The following DOC2A variants were observed in gnomAD, a reference collection of about 807,000 sequenced individuals.
The protein encoded by DOC2A is double C2 domain alpha.
Under a neutral mutation model 40.6 loss-of-function variants are expected in DOC2A, and 28 were observed. The observed-to-expected ratio is 0.69, with a 90% CI of 0.51 to 0.95. DOC2A has a LOEUF of 0.95. Among genes scored for constraint, DOC2A ranks in the 40% least tolerant of loss-of-function variants. DOC2A has a pLI of 0.00. For missense variants in DOC2A, 474 were observed against 552.5 expected (o/e 0.86, Z 1.42); for synonymous variants, 241 against 236.9 (o/e 1.02, Z -0.16).
At chr16:30,007,140 C>T in intron 6 of DOC2A, 33 bp downstream of exon 6, 1 of 1,613,572 alleles carries the variant, frequency 6.2e-7, no homozygotes, top group Non-Finnish European at 8.5e-7. Context: ...CCAGGGCCCC[C>T]TCCCCTGGCG....
rs2070760301 is a variant in DOC2A, at chr16:30,010,906, T to C, written c.-17A>G. The stretch of plus-strand genomic sequence containing the variant: ...CTGCCCAGCCCCCTGCACCTGCCTC[T>C]GCCTCCAACAGGTGCCCAGGCACTG... On this transcript the variant is annotated 5_prime_UTR_variant, in exon 1 of 11. Coordinates refer to ENST00000350119, the MANE Select transcript of DOC2A (RefSeq NM_003586.3). The surrounding 1 kb of genome is among the most constrained non-coding windows in gnomAD (Gnocchi z 4.2). 14 of 1,019,920 alleles carry C rather than the reference T, an allele frequency of 1.4e-5. No individual in the cohort carries two copies. The highest frequency in any genetic ancestry group is 1.6e-5 in the Non-Finnish European group (14 of 850,024). The allele number at this position is 1,019,920 out of a possible 1,614,324, so 63.2% of individuals were successfully genotyped here. A position where few individuals can be genotyped will look rare whatever the true frequency, so the allele number is the denominator to read the frequency against.
chr16:30,022,468 C>T (rs909919916), upstream of DOC2A, among the ~76,000 whole-genome samples: 1 of 151,982 alleles, frequency 6.6e-6, no homozygotes, highest in African/African-American at 2.4e-5. Flanking sequence ...GCCAGAAGTT[C>T]GAAACCAGCC....
chr16:30,023,203 T>TCTCC (rs2070939841), upstream of DOC2A: 4 of 710,288 alleles, frequency 5.6e-6, no homozygotes, highest in Admixed American at 2.5e-5. Context: ...CCAACCTCTC[T>TCTCC]TCTCCTCTCC....
chr16:30,006,709 G>C lies in DOC2A; in HGVS notation c.879-32C>G, dbSNP rs1209959747. The stretch of plus-strand genomic sequence containing the variant: ...GTGGGGTGGAGGGAGACGAACTGAG[G>C]GGTGAGGGACAGGCCAGGCCCAACT... On this transcript the variant is annotated intron_variant, in intron 8 of 10. Coordinates refer to ENST00000350119, the MANE Select transcript of DOC2A (RefSeq NM_003586.3). The surrounding 1 kb of genome is among the most constrained non-coding windows in gnomAD (Gnocchi z 6.2). 3 of 1,613,680 alleles carry C rather than the reference G, an allele frequency of 1.9e-6. No homozygotes were observed. The Admixed American group carries it at 5.0e-5, about 27-fold the overall frequency.
upstream of DOC2A, chr16:30,011,452 G>GCC: frequency 1.0e-6 from 1 of 966,690 alleles, no homozygotes; most frequent in Non-Finnish European, 1.2e-6. Context: ...CCCCGCCCCC[G>GCC]CCCGCGCGCG....
Position 30,010,607 on chromosome 16 carries a change from G to A in DOC2A, c.-14+296C>T, listed in dbSNP as rs1048004122. ...CTGCAGGGCCCCGCCTCTGTTTCTC[G>A]GAGGCTCTGTCCTCCTCTGCACCAG... On this transcript the variant is annotated intron_variant, in intron 1 of 10. Transcript: ENST00000350119. This position sits in a 1 kb window ranked among gnomAD's most constrained non-coding sequence, Gnocchi z 4.2. 2 of 332,124 alleles carry A rather than the reference G, an allele frequency of 6.0e-6. No individual in the cohort carries two copies. Among genetic ancestry groups the A allele is most frequent in the South Asian group, 2.7e-5 (1 of 36,896 alleles). 20.6% of individuals were successfully genotyped at this position (332,124 alleles called of 1,614,324 possible).
chr16:30,009,433 C>T lies in DOC2A; in HGVS notation c.342+45G>A. 6.5e-7 allele frequency: 1 copy of T among 1,541,096 alleles called. No homozygotes were observed. The highest frequency in any genetic ancestry group is 8.8e-7 in the Non-Finnish European group (1 of 1,138,262). On this transcript the variant is annotated intron_variant, in intron 3 of 10. Transcript: ENST00000350119. The surrounding 1 kb of genome is among the most constrained non-coding windows in gnomAD (Gnocchi z 4.1). The stretch of plus-strand genomic sequence containing the variant: ...AGGAGGAATGGGCCCCCTCTGGGGG[C>T]TGCACGCAAACCGGGCCCGGGCTTG...
Position 30,017,358 on chromosome 16 carries a change from A to G in DOC2A, c.-375-3762T>C, listed in dbSNP as rs568222104. Among the ~76,000 whole-genome samples the G allele has an allele frequency of 2.0e-5, 3 of 152,224 alleles. No homozygotes were observed. The South Asian group carries it at 6.2e-4, about 32-fold the overall frequency. On this transcript the variant is annotated intron_variant, in intron 1 of 5. Transcript: ENST00000574405. ...CCTGCACTTGTGTGTTTATTGCAGC[A>G]CTGTTCACAATAGGAAAGACACAGA...
In DOC2A at chr16:30,006,214, G is replaced by A. The variant is rs1023098414; in HGVS notation, c.1175C>T (p.Pro392Leu). 12 of 1,587,870 alleles carry A rather than the reference G, an allele frequency of 7.6e-6. No individual in the cohort carries two copies. The highest frequency in any genetic ancestry group is 9.4e-6 in the Non-Finnish European group (11 of 1,168,654). ...RWHTLTSELP[P>L]AAGALSSA The stretch of plus-strand genomic sequence containing the variant: ...GGCTGAGGACAGAGCCCCGGCCGCA[G>A]GGGGCAGCTCACTGGTCAGGGTGTG... Residue 392 changes from proline to leucine, a missense_variant, in exon 11 of 11, where the codon CCT (proline) becomes CTT (leucine). Transcript: ENST00000350119. The surrounding 1 kb of genome is among the most constrained non-coding windows in gnomAD (Gnocchi z 6.2).
chr16:30,016,053 A>ATT (rs1271681523), upstream of DOC2A, among the ~76,000 whole-genome samples: 18 of 18,176 alleles, frequency 9.9e-4, no homozygotes, highest in South Asian at 5.1e-3. Flanking sequence ...ATATATATAT[A>ATT]TATTTTTTTT....
At chr16:30,007,125 C>T (rs367662928) in intron 6 of DOC2A, 35 bp from the exon 7 acceptor site, 9 of 1,613,542 alleles carry the variant, frequency 5.6e-6, no homozygotes, top group Non-Finnish European at 6.8e-6. Flanking sequence ...GGAAGCCTGG[C>T]CTCCCCAGGG....
chr16:30,010,061 G>A lies in DOC2A; in HGVS notation c.162C>T (p.Ala54=), dbSNP rs111611374. ...GGGCCAGAGCCAGGGGGACCAGATG[G>A]GCGGGGGCCTCCCCGCCGCCCCCGC... ...GGGGGGGEAP[A]HLVPLALAPP... is the part of the protein sequence containing the mutation. The change falls in exon 2 of 11, where the codon GCC becomes GCT. Residue 54 remains alanine (A), a synonymous_variant. Transcript: ENST00000350119. This position sits in a 1 kb window ranked among gnomAD's most constrained non-coding sequence, Gnocchi z 4.2. The A allele has an allele frequency of 2.1e-5, 34 of 1,611,280 alleles. No individual in the cohort carries two copies. The highest frequency in any genetic ancestry group is 4.0e-5 in the African/African-American group (3 of 74,866).
Position 30,010,064 on chromosome 16 carries a change from G to A in DOC2A, c.159C>T (p.Pro53=), listed in dbSNP as rs533248931. The part of the protein sequence containing the change: ...EGGGGGGGEA[P]AHLVPLALAP... ...CCAGAGCCAGGGGGACCAGATGGGC[G>A]GGGGCCTCCCCGCCGCCCCCGCCGC... Residue 53 remains proline (P), a synonymous_variant, in exon 2 of 11, where the codon CCC becomes CCT. Coordinates refer to ENST00000350119, the MANE Select transcript of DOC2A (RefSeq NM_003586.3). The surrounding 1 kb of genome is among the most constrained non-coding windows in gnomAD (Gnocchi z 4.2). 3.3e-5 allele frequency: 53 copies of A among 1,611,126 alleles called. No individual in the cohort carries two copies. Among genetic ancestry groups the A allele is most frequent in the South Asian group, 6.6e-5 (6 of 91,018 alleles).
chr16:30,006,023 T>A lies in DOC2A; in HGVS notation c.*163A>T. The stretch of plus-strand genomic sequence containing the variant: ...AGGTTTGCATATGTGAATATAGAAC[T>A]CCGCAGCCCCTCATGAGCAGACAGA... On this transcript the variant is annotated 3_prime_UTR_variant, in exon 11 of 11. Coordinates refer to ENST00000350119, the MANE Select transcript of DOC2A (RefSeq NM_003586.3). This position sits in a 1 kb window ranked among gnomAD's most constrained non-coding sequence, Gnocchi z 6.2. The A allele has an allele frequency of 1.3e-6, 1 of 774,134 alleles. No individual in the cohort carries two copies. The highest frequency in any genetic ancestry group is 1.9e-5 in the South Asian group (1 of 53,838). The allele number at this position is 774,134 out of a possible 1,614,324, so 48.0% of individuals were successfully genotyped here. A position where few individuals can be genotyped will look rare whatever the true frequency, so the allele number is the denominator to read the frequency against.
chr16:30,007,571 C>G, intron 5 of DOC2A: 1 of 513,544 alleles, frequency 1.9e-6, no homozygotes, highest in Non-Finnish European at 3.6e-6. Context: ...CATTCAGGGC[C>G]TGGGGGCAGG....
intron 5 of DOC2A, chr16:30,008,590 G>GC (rs2070686948): frequency 3.9e-6 from 1 of 253,248 alleles, no homozygotes; most frequent in African/African-American, 2.2e-5. Flanking sequence ...TGCAACCTCT[G>GC]CCTCCCGGGT....
chr16:30,014,667 T>C (rs2070837300), upstream of DOC2A, among the ~76,000 whole-genome samples: 12 of 132,898 alleles, frequency 9.0e-5, no homozygotes. Context: ...AGGCTGGGCA[T>C]GGTGGCTTAC....
chr16:30,006,597 T>C lies in DOC2A; in HGVS notation c.959A>G (p.Glu320Gly). ...CATGTCCCGTCCCCTCCTGGGTACCTCGTTAAATTCTGGGTTGAGAGTCTT... is the reference window on the plus strand; with the variant it reads ...CATGTCCCGTCCCCTCCTGGGTACCCCGTTAAATTCTGGGTTGAGAGTCTT... ...KKKTLNPEFN[E>G]EFFYEIELST... Residue 320 changes from glutamate (E) to glycine (G), a missense_variant and splice_region_variant, in exon 9 of 11, where the codon GAG becomes GGG. Glu to Gly is a moderately conservative substitution (Grantham distance 98). Transcript: ENST00000350119. This position sits in a 1 kb window ranked among gnomAD's most constrained non-coding sequence, Gnocchi z 6.2. 6.2e-7 allele frequency: 1 copy of C among 1,613,466 alleles called. No homozygotes were observed. The highest frequency in any genetic ancestry group is 8.5e-7 in the Non-Finnish European group (1 of 1,179,868).
rs777928473 is a variant in DOC2A, at chr16:30,005,759, A to C, written c.*427T>G. ...AGCTGTACAGGGCTAGGTTTTTTCA[A>C]TGAAGTTTCTGTATTAAAGGAGTGG... On this transcript the variant is annotated 3_prime_UTR_variant, in exon 11 of 11. Transcript: ENST00000350119. 1 of 469,008 alleles carries C rather than the reference A, an allele frequency of 2.1e-6. No individual in the cohort carries two copies. The highest frequency in any genetic ancestry group is 3.8e-6 in the Non-Finnish European group (1 of 264,106). 29.1% of individuals were successfully genotyped at this position (469,008 alleles called of 1,614,324 possible).
Sources: gnomAD v4.1 joint callset for allele counts (sites outside exome capture counted in the v4.1 genomes callset) on GRCh38, gnomAD v4.1.1 for gene constraint, Gnocchi (gnomAD v3.1) non-coding constraint, MANE v1.5 for transcripts, NCBI Gene and HGNC (gene_info 2026-07-23, HGNC 2026-07-21) for gene names.